CCDC141: variants seen among roughly 807,000 people sequenced by gnomAD.
CCDC141 encodes the protein coiled-coil domain containing 141, also known as coiled-coil domain-containing protein 141.
A neutral mutation model predicts 181.0 loss-of-function variants in CCDC141; 168 were observed. The observed-to-expected ratio is 0.93, with a 90% confidence interval of 0.82 to 1.05. CCDC141 has a LOEUF of 1.05. Among genes scored for constraint, CCDC141 ranks in the 50% least tolerant of loss-of-function variants. CCDC141 has a pLI of 0.00. For synonymous variants in CCDC141, 666 were observed against 642.3 expected, an observed-to-expected ratio of 1.04 and a Z score of -0.56; for missense variants, 1,902 against 1,788.5, an observed-to-expected ratio of 1.06 and a Z score of -1.14.
At chr2:178,961,005 G>T (rs573924159) in intron 5 of CCDC141, among the ~76,000 whole-genome samples, 134 of 152,236 alleles carry the variant, frequency 8.8e-4, no homozygotes, top group African/African-American at 3.2e-3. Flanking sequence ...CTACCCACAG[G>T]TGTTCTCTCA....
At chr2:178,928,401 C>G (rs1334365617) in intron 6 of CCDC141, among the ~76,000 whole-genome samples, 1 of 152,198 alleles carries the variant, frequency 6.6e-6, no homozygotes, top group Non-Finnish European at 1.5e-5. Context: ...CACAGATTGA[C>G]TGTGTTAAGG....
chr2:178,820,318 T>TGAAA, the CCDC141 span, among the ~76,000 whole-genome samples: 1 of 152,256 alleles, frequency 6.6e-6, no homozygotes, highest in African/African-American at 2.4e-5. Context: ...GTGGTGTGTT[T>TGAAA]TTTTAAGGTT....
chr2:178,925,763 C>T (rs1401119297), intron 6 of CCDC141, among the ~76,000 whole-genome samples: 1 of 152,014 alleles, frequency 6.6e-6, no homozygotes, highest in Non-Finnish European at 1.5e-5. Flanking sequence ...TTGCATCTAA[C>T]ACAATTTGCC....
intron 6 of CCDC141, among the ~76,000 whole-genome samples, chr2:178,930,977 T>C (rs1689076215): frequency 6.6e-6 from 1 of 152,134 alleles, no homozygotes; most frequent in African/African-American, 2.4e-5. Flanking sequence ...AAATTAAAAC[T>C]TTTACTTATC....
At chr2:179,010,839 G>T (rs898318148) in intron 2 of CCDC141, among the ~76,000 whole-genome samples, 1 of 152,154 alleles carries the variant, frequency 6.6e-6, no homozygotes, top group East Asian at 1.9e-4. Flanking sequence ...AACATTGAAT[G>T]TAAATGCCTA....
chr2:178,834,062 A>T lies in CCDC141; in HGVS notation c.*111T>A. 1 of 1,088,600 alleles carries T rather than the reference A, an allele frequency of 9.2e-7. No homozygotes were observed. Among genetic ancestry groups the T allele is most frequent in the Non-Finnish European group, 1.3e-6 (1 of 764,384 alleles). 67.4% of individuals were successfully genotyped at this position (1,088,600 alleles called of 1,614,324 possible). Reference sequence around the variant, plus strand: ...TATTAGCCAAACAAGTATGGTGATCAGACTGGAGATACACTTGGTGGGAGA... The same window carrying T: ...TATTAGCCAAACAAGTATGGTGATCTGACTGGAGATACACTTGGTGGGAGA... On this transcript the variant is annotated 3_prime_UTR_variant, in exon 24 of 24. Transcript: ENST00000443758.
At chr2:178,850,351 T>A (rs1685109433) in intron 20 of CCDC141, among the ~76,000 whole-genome samples, 190 bp from the exon 21 acceptor site, 1 of 152,232 alleles carries the variant, frequency 6.6e-6, no homozygotes, top group African/African-American at 2.4e-5. Flanking sequence ...AGGAAAATGA[T>A]TACATTTGCT....
At chr2:178,901,972 G>A (rs1195356566) in intron 8 of CCDC141, among the ~76,000 whole-genome samples, 1 of 152,096 alleles carries the variant, frequency 6.6e-6, no homozygotes, top group Non-Finnish European at 1.5e-5. Context: ...CAGACAAACA[G>A]AGAGCCAAAT....
At chr2:178,872,558 T>C (rs566398326) in intron 12 of CCDC141, among the ~76,000 whole-genome samples, 2 of 152,312 alleles carry the variant, frequency 1.3e-5, no homozygotes, top group South Asian at 2.1e-4. Context: ...ACCTAGGGTC[T>C]GGTTATTTCC....
chr2:178,916,966 G>T (rs1373282152), intron 7 of CCDC141, among the ~76,000 whole-genome samples: 1 of 151,032 alleles, frequency 6.6e-6, no homozygotes, highest in African/African-American at 2.4e-5. Flanking sequence ...AAAGGCTTTT[G>T]CAGGAGATAT....
rs749040596 is a variant in CCDC141 at position 178,836,904 on chromosome 2, T to C, written c.4315A>G (p.Thr1439Ala). 2 of 1,611,022 alleles carry C rather than the reference T, an allele frequency of 1.2e-6. No homozygotes were observed. Among genetic ancestry groups the C allele is most frequent in the East Asian group, 2.2e-5 (1 of 44,828 alleles). Reference sequence around the variant, plus strand: ...TTATAGGCTACCCACCATGTCAGTGTAGGCTCTGGAAATCCTGTTACTTCA... The same window carrying C: ...TTATAGGCTACCCACCATGTCAGTGCAGGCTCTGGAAATCCTGTTACTTCA... ...EVEVTGFPEP[T>A]LTWYKKGQKL... The change falls in exon 23 of 24, where the codon ACA becomes GCA. Residue 1439 changes from threonine to alanine, a missense_variant. Transcript: ENST00000443758.
At chr2:178,877,919 T>G in intron 12 of CCDC141, 45 bp downstream of exon 12, 21 of 1,516,554 alleles carry the variant, frequency 1.4e-5, no homozygotes, top group Non-Finnish European at 1.8e-5. Flanking sequence ...TTGACTTTGA[T>G]GAGTATCCCT....
At chr2:179,040,449 G>A (rs766989792) in intron 2 of CCDC141, among the ~76,000 whole-genome samples, 1 of 152,154 alleles carries the variant, frequency 6.6e-6, no homozygotes, top group Admixed American at 6.5e-5. Context: ...TATGTGCTAT[G>A]GTGGTTTGCT....
At chr2:178,944,000 G>C (rs1017254347) in intron 6 of CCDC141, among the ~76,000 whole-genome samples, 6 of 152,112 alleles carry the variant, frequency 3.9e-5, no homozygotes, top group Non-Finnish European at 8.8e-5. Flanking sequence ...ATTATATCTG[G>C]AAGTCATAAA....
At chr2:178,878,413 C>T (rs1686449252) in intron 11 of CCDC141, among the ~76,000 whole-genome samples, 1 of 151,308 alleles carries the variant, frequency 6.6e-6, no homozygotes, top group Admixed American at 6.6e-5. Context: ...ATCCTCTCTC[C>T]TCATCTTCCA....
chr2:178,904,342 C>T (rs1687858123), intron 8 of CCDC141, among the ~76,000 whole-genome samples: 1 of 152,090 alleles, frequency 6.6e-6, no homozygotes, highest in South Asian at 2.1e-4. Context: ...CATCACAAAC[C>T]CTGGGTTAAA....
chr2:178,861,716 C>T (rs372233339), intron 17 of CCDC141, among the ~76,000 whole-genome samples: 5 of 152,068 alleles, frequency 3.3e-5, no homozygotes, highest in African/African-American at 1.2e-4. Flanking sequence ...TCCTGGGCTC[C>T]AGCAATCCTC....
chr2:179,049,751 C>CT (rs1291906039), intron 1 of CCDC141, 89 bp downstream of exon 1: 59 of 1,409,956 alleles, frequency 4.2e-5, no homozygotes, highest in Non-Finnish European at 5.4e-5. Context: ...TATGCTGTGT[C>CT]CTGCCGATTG....
intron 22 of CCDC141, among the ~76,000 whole-genome samples, chr2:178,842,670 C>T (rs1216570058): frequency 1.3e-5 from 2 of 152,120 alleles, no homozygotes; most frequent in Admixed American, 6.5e-5. Context: ...AAAATACCTC[C>T]ATAACAGATA....
Sources: allele counts gnomAD v4.1 joint callset (sites outside exome capture counted in the v4.1 genomes callset), GRCh38; gene constraint gnomAD v4.1.1; transcripts MANE v1.5; gene names NCBI Gene and HGNC (gene_info 2026-07-23, HGNC 2026-07-21).